Variants in HAPLN3 observed in about 807,000 individuals in gnomAD.
HAPLN3 encodes extracellular link domain containing, 1.
HAPLN3 carries 28 observed loss-of-function variants against 28.1 expected under a neutral mutation model. The observed-to-expected ratio is 1.00, with a 90% CI of 0.74 to 1.37. The LOEUF is 1.37. Among genes scored for constraint, HAPLN3 ranks in the 40% most tolerant of loss-of-function variants. HAPLN3 has a pLI of 0.00. For synonymous variants in HAPLN3, 211 were observed against 213.1 expected (o/e 0.99, Z 0.09); for missense variants, 513 against 504.6 (o/e 1.02, Z -0.16).
At position 88,879,400 on chromosome 15, in the gene HAPLN3, ACT is replaced by A. The variant is rs1275347930; in HGVS notation, c.494-133_494-132del. 1.3e-6 allele frequency: 2 copies of A among 1,541,968 alleles called. No individual in the cohort carries two copies. On this transcript the variant is annotated intron_variant, in intron 3 of 4. Transcript: ENST00000359595. The surrounding 1 kb of genome is among the most constrained non-coding windows in gnomAD (Gnocchi z 5.0). ...CACACATACACCATCCCTCAGAAAA[ACT>A]CAGCAAACCTCTGACCTCCTGTCCG...
intron 1 of HAPLN3, among the ~76,000 whole-genome samples, chr15:88,889,986 AAGGAAGGGAGGG>A (rs1350407316): frequency 1.5e-5 from 2 of 132,568 alleles, no homozygotes; most frequent in South Asian, 3.1e-4. Context: ...GGAAGGAAAG[AAGGAAGGGAGGG>A]AGGGAGGGAG....
rs940738328 is a variant in HAPLN3 at position 88,892,996 on chromosome 15, A to T, written c.-48+2463T>A. ...CACCTTGGCAGTGGATAGTTCCCCA[A>T]ATCTTCTGGAGTCCTGTCTGGGCAC... On this transcript the variant is annotated intron_variant, in intron 1 of 4. Transcript: ENST00000359595. 3.3e-6 allele frequency: 5 copies of T among 1,535,376 alleles called. No homozygotes were observed. The South Asian group carries it at 4.8e-5, about 15-fold the overall frequency.
intron 4 of HAPLN3, 132 bp downstream of exon 4, chr15:88,878,835 T>G: frequency 1.1e-6 from 1 of 903,870 alleles, no homozygotes; most frequent in South Asian, 1.8e-5. Flanking sequence ...CTAGGGTGGC[T>G]GGTGCTCTTG....
chr15:88,885,719 T>A (rs1005520506), intron 2 of HAPLN3, among the ~76,000 whole-genome samples: 1 of 152,130 alleles, frequency 6.6e-6, no homozygotes, highest in African/African-American at 2.4e-5. Flanking sequence ...CCTCCTTAAG[T>A]GCTGGGATTA....
At chr15:88,892,849 T>A in intron 1 of HAPLN3, 2 of 1,070,622 alleles carry the variant, frequency 1.9e-6, no homozygotes, top group Non-Finnish European at 2.6e-6. Flanking sequence ...CCCTGACCAC[T>A]ACCACTGAGG....
Position 88,878,871 on chromosome 15 carries a change from G to A in HAPLN3, c.796+96C>T, listed in dbSNP as rs183749747. 2.5e-4 allele frequency: 330 copies of A among 1,323,834 alleles called. 2 individuals are homozygous for A. In the East Asian group the frequency reaches 5.7e-3, roughly 23 times the overall value. 82.0% of individuals were successfully genotyped at this position (1,323,834 alleles called of 1,614,324 possible). ...GCCTCCAGGTGGCAGTACCAGCAGAGCCAGCAGAGGGGGCCAGAGCTCCCC... is the reference window on the plus strand; with the variant it reads ...GCCTCCAGGTGGCAGTACCAGCAGAACCAGCAGAGGGGGCCAGAGCTCCCC... On this transcript the variant is annotated intron_variant, in intron 4 of 4. Coordinates refer to ENST00000359595, the MANE Select transcript of HAPLN3 (RefSeq NM_178232.4).
chr15:88,892,646 C>G (rs1359724387), intron 1 of HAPLN3, among the ~76,000 whole-genome samples: 1 of 151,918 alleles, frequency 6.6e-6, no homozygotes, highest in African/African-American at 2.4e-5. Context: ...GCTGGGTGAC[C>G]CTGGGAAAGT....
intron 1 of HAPLN3, chr15:88,893,101 C>T (rs547399303): frequency 1.2e-6 from 1 of 817,332 alleles, no homozygotes; most frequent in Non-Finnish European, 2.0e-6. Context: ...CTCTGTGCCT[C>T]CATTTCCTCA....
Position 88,877,721 on chromosome 15 carries a change from A to C in HAPLN3, c.*249T>G. 4 of 462,744 alleles carry C rather than the reference A, an allele frequency of 8.6e-6. No individual in the cohort carries two copies. Among genetic ancestry groups the C allele is most frequent in the Admixed American group, 4.0e-5 (1 of 24,830 alleles). The allele number at this position is 462,744 out of a possible 1,614,324, so 28.7% of individuals were successfully genotyped here. A position where few individuals can be genotyped will look rare whatever the true frequency, so the allele number is the denominator to read the frequency against. Reference sequence around the variant, plus strand: ...GGGAGACCAGCCTGGATGGCGGGGAACCCTCCAGAAGCCCACAAAACCGCA... The same window carrying C: ...GGGAGACCAGCCTGGATGGCGGGGACCCCTCCAGAAGCCCACAAAACCGCA... On this transcript the variant is annotated 3_prime_UTR_variant, in exon 5 of 5. Transcript: ENST00000359595. The surrounding 1 kb of genome is among the most constrained non-coding windows in gnomAD (Gnocchi z 5.1).
chr15:88,889,664 G>A (rs1285862293), intron 1 of HAPLN3, among the ~76,000 whole-genome samples: 2 of 152,184 alleles, frequency 1.3e-5, no homozygotes, highest in Non-Finnish European at 2.9e-5. Flanking sequence ...CTGGAGGCCA[G>A]TGATGGCTTT....
intron 2 of HAPLN3, among the ~76,000 whole-genome samples, chr15:88,883,430 G>A (rs1274860319): frequency 2.0e-5 from 3 of 152,210 alleles, no homozygotes; most frequent in African/African-American, 7.2e-5. Flanking sequence ...TTGTAGAATG[G>A]GTTAATTACA....
chr15:88,881,480 C>T lies in HAPLN3; in HGVS notation c.370G>A (p.Asp124Asn). 6.2e-7 allele frequency: 1 copy of T among 1,614,124 alleles called. No individual in the cohort carries two copies. The highest frequency in any genetic ancestry group is 1.1e-5 in the South Asian group (1 of 91,084). ...TCCAGCGAGACGTCATGCTCTTTGT[C>T]CTGCCGCAGGTGCACGCGGCCTTGG... ...DYQGRVHLRQ[D>N]KEHDVSLEIQ... The change falls in exon 3 of 5, where the codon GAC becomes AAC. Residue 124 changes from aspartate to asparagine, a missense_variant. Coordinates refer to ENST00000359595, the MANE Select transcript of HAPLN3 (RefSeq NM_178232.4). This position sits in a 1 kb window ranked among gnomAD's most constrained non-coding sequence, Gnocchi z 6.0.
Position 88,888,056 on chromosome 15 carries a change from G to C in HAPLN3, c.-47-711C>G, listed in dbSNP as rs1365940275. On this transcript the variant is annotated intron_variant, in intron 1 of 4. Coordinates refer to ENST00000359595, the MANE Select transcript of HAPLN3 (RefSeq NM_178232.4). The surrounding 1 kb of genome is among the most constrained non-coding windows in gnomAD (Gnocchi z 4.1). ...ACTAGACTAGAATAGAAAATATCAG[G>C]GTGAATAGAGGGTATGTTAAGTAAA... Among the ~76,000 whole-genome samples the C allele has an allele frequency of 1.3e-5, 2 of 151,730 alleles. No homozygotes were observed. Among genetic ancestry groups the C allele is most frequent in the African/African-American group, 4.8e-5 (2 of 41,346 alleles).
rs1433040766 is a variant in HAPLN3, at chr15:88,888,154, T to C, written c.-47-809A>G. 1.1e-4 allele frequency among the ~76,000 whole-genome samples: 16 copies of C among 148,258 alleles called. No individual in the cohort carries two copies. The South Asian group carries it at 3.5e-3, about 32-fold the overall frequency. ...TCTCGCTCTGTCGCCCAGGCTGGAG[T>C]GGAGGTTGCTCACTGCAACCTCCGC... On this transcript the variant is annotated intron_variant, in intron 1 of 4. Transcript: ENST00000359595. The surrounding 1 kb of genome is among the most constrained non-coding windows in gnomAD (Gnocchi z 4.1).
At position 88,880,411 on chromosome 15, in the gene HAPLN3, C is replaced by A; in HGVS notation, c.493+946G>T. On this transcript the variant is annotated intron_variant, in intron 3 of 4. Transcript: ENST00000359595. The surrounding 1 kb of genome is among the most constrained non-coding windows in gnomAD (Gnocchi z 6.0). Reference sequence around the variant, plus strand: ...ATTTTAAGGACATACATCTTATCCTCATTGCCTCTGAGGGAGGTAAAGGAG... The same window carrying A: ...ATTTTAAGGACATACATCTTATCCTAATTGCCTCTGAGGGAGGTAAAGGAG... The A allele has an allele frequency of 1.7e-6, 2 of 1,180,414 alleles. No homozygotes were observed. 73.1% of individuals were successfully genotyped at this position (1,180,414 alleles called of 1,614,324 possible).
intron 1 of HAPLN3, among the ~76,000 whole-genome samples, chr15:88,889,889 G>A (rs1278226505): frequency 6.6e-6 from 1 of 151,892 alleles, no homozygotes; most frequent in Non-Finnish European, 1.5e-5. Flanking sequence ...TTGCAACCAT[G>A]TGGTCTTGTG....
intron 1 of HAPLN3, among the ~76,000 whole-genome samples, chr15:88,889,442 T>C (rs1330215030): frequency 2.0e-5 from 3 of 152,198 alleles, no homozygotes; most frequent in Non-Finnish European, 4.4e-5. Context: ...TTCAAGTGAT[T>C]CTCATGCCTC....
At position 88,880,600 on chromosome 15, in the gene HAPLN3, A is replaced by G. The variant is rs1226692031; in HGVS notation, c.493+757T>C. Reference sequence around the variant, plus strand: ...ACATGTGGGAGAGATGTGAGGACACACAGCCCCATCCTAGAGACAGAGAAG... The same window carrying G: ...ACATGTGGGAGAGATGTGAGGACACGCAGCCCCATCCTAGAGACAGAGAAG... On this transcript the variant is annotated intron_variant, in intron 3 of 4. Transcript: ENST00000359595. This position sits in a 1 kb window ranked among gnomAD's most constrained non-coding sequence, Gnocchi z 6.0. 1 of 1,288,634 alleles carries G rather than the reference A, an allele frequency of 7.8e-7. No individual in the cohort carries two copies. The highest frequency in any genetic ancestry group is 1.0e-6 in the Non-Finnish European group (1 of 988,438). 79.8% of individuals were successfully genotyped at this position (1,288,634 alleles called of 1,614,324 possible). A position where few individuals can be genotyped will look rare whatever the true frequency, so the allele number is the denominator to read the frequency against.
chr15:88,890,884 CT>C (rs58694396), intron 1 of HAPLN3, among the ~76,000 whole-genome samples: 19 of 148,144 alleles, frequency 1.3e-4, no homozygotes, highest in Admixed American at 2.7e-4. Flanking sequence ...TTTTTTGCAT[CT>C]TTTTTTTTTT....
Sources: allele counts gnomAD v4.1 joint callset (sites outside exome capture counted in the v4.1 genomes callset), GRCh38; gene constraint gnomAD v4.1.1; non-coding constraint Gnocchi (gnomAD v3.1); transcripts MANE v1.5; gene names NCBI Gene and HGNC (gene_info 2026-07-23, HGNC 2026-07-21).